The following KCND3 variants were observed in gnomAD, a reference collection of about 807,000 sequenced individuals.
KCND3 encodes the protein potassium voltage-gated channel subfamily D member 3, also known as A-type voltage-gated potassium channel KCND3.
KCND3 carries 9 observed loss-of-function variants against 51.1 expected under a neutral mutation model. The observed-to-expected ratio is 0.18, with a 90% CI of 0.11 to 0.31. The LOEUF (loss-of-function observed/expected upper bound fraction) is 0.31, where lower values mean the gene tolerates loss of function less well. KCND3 is among the 10% of genes least tolerant of loss of function. KCND3 has a pLI of 1.00. For synonymous variants in KCND3, 349 were observed against 368.0 expected (o/e 0.95, Z 0.59); for missense variants, 526 against 903.8 (o/e 0.58, Z 5.36).
intron 2 of KCND3, among the ~76,000 whole-genome samples, chr1:111,979,651 C>T (rs1024452685): frequency 6.6e-6 from 1 of 152,168 alleles, no homozygotes; most frequent in Non-Finnish European, 1.5e-5. Flanking sequence ...TTATCAGCTA[C>T]GTGACTATGG....
At position 111,775,819 on chromosome 1, in the gene KCND3, A is replaced by ACCCCCCCCCCCCCCCCCCCCTCCCCCCCC; in HGVS notation, c.*257_*258insGGGGGGGGAGGGGGGGGGGGGGGGGGGGG. On this transcript the variant is annotated 3_prime_UTR_variant, in exon 8 of 8. Coordinates refer to ENST00000302127, the MANE Select transcript of KCND3 (RefSeq NM_001378969.1). ...GCCTATATCCCCCGGCCTATCCCCG[A>ACCCCCCCCCCCCCCCCCCCCTCCCCCCCC]CCCCCCCACCCTCCCTCCCTTCCTC... 1 of 97,706 alleles carries ACCCCCCCCCCCCCCCCCCCCTCCCCCCCC rather than the reference A, an allele frequency of 1.0e-5. No homozygotes were observed. The highest frequency in any genetic ancestry group is 2.0e-5 in the Non-Finnish European group (1 of 51,262). The allele number at this position is 97,706 out of a possible 1,614,324, so 6.1% of individuals were successfully genotyped here.
chr1:111,932,064 G>A lies in KCND3; in HGVS notation c.1106+49557C>T, dbSNP rs978623246. Among the ~76,000 whole-genome samples the A allele has an allele frequency of 4.6e-5, 7 of 152,116 alleles. No homozygotes were observed. In the East Asian group the frequency reaches 9.6e-4, roughly 21 times the overall value. On this transcript the variant is annotated intron_variant, in intron 2 of 7. Transcript: ENST00000302127. ...CTCTCCTCCATCTTCAAAGCCAGCC[G>A]CAGCAGGCCGAGTCCTTCTCAGATT...
chr1:111,969,118 T>C (rs940280453), intron 2 of KCND3, among the ~76,000 whole-genome samples: 1 of 152,120 alleles, frequency 6.6e-6, no homozygotes, highest in Non-Finnish European at 1.5e-5. Context: ...CTTCCCCTGC[T>C]GGTGAACCAC....
rs758371576 is a variant in KCND3, at chr1:111,981,674, G to A, written c.1053C>T (p.Phe351=). The A allele has an allele frequency of 1.2e-6, 2 of 1,614,056 alleles. No individual in the cohort carries two copies. Among genetic ancestry groups the A allele is most frequent in the Non-Finnish European group, 1.7e-6 (2 of 1,180,044 alleles). ...YAEKGSSASK[F]TSIPASFWYT... is the part of the protein sequence containing the mutation. The stretch of plus-strand genomic sequence containing the variant: ...ACCAAAACGAGGCAGGGATGCTTGT[G>A]AACTTGCTGGCCGAGGAGCCCTTCT... The change falls in exon 2 of 8, where the codon TTC becomes TTT. Residue 351 remains phenylalanine (F), a synonymous_variant. Transcript: ENST00000302127. The surrounding 1 kb of genome is among the most constrained non-coding windows in gnomAD (Gnocchi z 6.2).
At chr1:111,849,446 ACTCAAGGAAT>A (rs1369462053) in intron 2 of KCND3, among the ~76,000 whole-genome samples, 1 of 152,056 alleles carries the variant, frequency 6.6e-6, no homozygotes, top group Non-Finnish European at 1.5e-5. Flanking sequence ...GCTCCCAAGG[ACTCAAGGAAT>A]CCCACCTCTG....
intron 2 of KCND3, among the ~76,000 whole-genome samples, chr1:111,979,770 A>C (rs1364737896): frequency 6.6e-6 from 1 of 152,198 alleles, no homozygotes; most frequent in Non-Finnish European, 1.5e-5. Context: ...ATATATGCAA[A>C]GTTCTTAGTA....
intron 2 of KCND3, among the ~76,000 whole-genome samples, chr1:111,918,571 A>G (rs1418564756): frequency 6.6e-6 from 1 of 152,154 alleles, no homozygotes; most frequent in African/African-American, 2.4e-5. Context: ...GGATGGTGGT[A>G]AGTCCATGGT....
intron 2 of KCND3, among the ~76,000 whole-genome samples, chr1:111,878,740 T>C (rs1247634956): frequency 6.6e-6 from 1 of 152,208 alleles, no homozygotes; most frequent in Non-Finnish European, 1.5e-5. Context: ...GGGTAGAGAA[T>C]GCAGAGTTAG....
At chr1:111,793,780 G>A (rs563941283) in intron 2 of KCND3, among the ~76,000 whole-genome samples, 11 of 152,092 alleles carry the variant, frequency 7.2e-5, no homozygotes, top group Non-Finnish European at 1.5e-4. Context: ...TTTCTCTGTG[G>A]AATTTTGAAG....
intron 2 of KCND3, among the ~76,000 whole-genome samples, chr1:111,888,029 G>C (rs1029433863): frequency 6.6e-6 from 1 of 152,242 alleles, no homozygotes; most frequent in African/African-American, 2.4e-5. Context: ...AGGTACCCCT[G>C]GCTGGGTGTA....
Position 111,775,681 on chromosome 1 carries a change from C to G in KCND3, c.*396G>C. On this transcript the variant is annotated 3_prime_UTR_variant, in exon 8 of 8. Coordinates refer to ENST00000302127, the MANE Select transcript of KCND3 (RefSeq NM_001378969.1). ...TTTCTTCCTGTTTTGCTTGTGACAA[C>G]TTGGCCTCTTTGCTGCTCTTGGTCT... The G allele has an allele frequency of 3.5e-6, 1 of 285,098 alleles. No homozygotes were observed. Among genetic ancestry groups the G allele is most frequent in the Non-Finnish European group, 6.8e-6 (1 of 146,216 alleles). 17.7% of individuals were successfully genotyped at this position (285,098 alleles called of 1,614,324 possible).
At chr1:111,965,488 A>ACACACACACACACACACACACG (rs1557752929) in intron 2 of KCND3, among the ~76,000 whole-genome samples, 1 of 148,932 alleles carries the variant, frequency 6.7e-6, no homozygotes, top group Non-Finnish European at 1.5e-5. Context: ...ACACACACAC[A>ACACACACACACACACACACACG]CGCCAGGAGC....
intron 2 of KCND3, among the ~76,000 whole-genome samples, chr1:111,861,165 G>A (rs1022229908): frequency 2.0e-5 from 3 of 152,162 alleles, no homozygotes; most frequent in African/African-American, 7.2e-5. Context: ...AAGGAGGAAG[G>A]GGGGCGGGGC....
chr1:111,775,833 CCT>C lies in KCND3; in HGVS notation c.*242_*243del. 1.3e-5 allele frequency: 2 copies of C among 151,866 alleles called. No homozygotes were observed. Among genetic ancestry groups the C allele is most frequent in the East Asian group, 2.1e-4 (1 of 4,814 alleles). 9.4% of individuals were successfully genotyped at this position (151,866 alleles called of 1,614,324 possible). A position where few individuals can be genotyped will look rare whatever the true frequency, so the allele number is the denominator to read the frequency against. ...GCCTATCCCCGACCCCCCCACCCTC[CCT>C]CCCTTCCTCTGGCCCCAGTGAGATG... is the stretch of plus-strand genomic sequence containing the variant. On this transcript the variant is annotated 3_prime_UTR_variant, in exon 8 of 8. Transcript: ENST00000302127.
At chr1:111,894,681 C>T (rs1027009872) in intron 2 of KCND3, among the ~76,000 whole-genome samples, 2 of 152,306 alleles carry the variant, frequency 1.3e-5, no homozygotes, top group East Asian at 1.9e-4. Context: ...CTGGGACTGG[C>T]GGAGGCTGCA....
chr1:111,967,927 G>A (rs1674097202), intron 2 of KCND3, among the ~76,000 whole-genome samples: 1 of 152,194 alleles, frequency 6.6e-6, no homozygotes, highest in Non-Finnish European at 1.5e-5. Context: ...GGTCTTGCCA[G>A]GGTCCTACAG....
Position 111,892,502 on chromosome 1 carries a change from G to A in KCND3, c.1106+89119C>T, listed in dbSNP as rs147521012. 2.2e-4 allele frequency among the ~76,000 whole-genome samples: 33 copies of A among 152,322 alleles called. No individual in the cohort carries two copies. In the East Asian group the frequency reaches 3.7e-3, roughly 17 times the overall value. On this transcript the variant is annotated intron_variant, in intron 2 of 7. Coordinates refer to ENST00000302127, the MANE Select transcript of KCND3 (RefSeq NM_001378969.1). ...GTCATTTGCTTACAAAATAATTCTT[G>A]AGTGCCTACAACTTGAGTGCCAGGC... is the stretch of plus-strand genomic sequence containing the variant.
chr1:111,799,493 A>C (rs775404782), intron 2 of KCND3, among the ~76,000 whole-genome samples: 2 of 152,202 alleles, frequency 1.3e-5, no homozygotes, highest in Non-Finnish European at 2.9e-5. Context: ...GGTTATTCTT[A>C]TTGGGCATCT....
At chr1:111,877,391 A>G (rs964633396) in intron 2 of KCND3, among the ~76,000 whole-genome samples, 17 of 152,220 alleles carry the variant, frequency 1.1e-4, no homozygotes, top group Admixed American at 3.9e-4. Flanking sequence ...CTATGTGCAC[A>G]CTAGAAGGTG....
Sources: allele counts gnomAD v4.1 joint callset (sites outside exome capture counted in the v4.1 genomes callset), GRCh38; gene constraint gnomAD v4.1.1; non-coding constraint Gnocchi (gnomAD v3.1); transcripts MANE v1.5; gene names NCBI Gene and HGNC (gene_info 2026-07-23, HGNC 2026-07-21).